TOX2: variants seen among roughly 807,000 people sequenced by gnomAD.
The protein encoded by TOX2 is granulosa cell HMG box 1.
A neutral mutation model predicts 47.4 loss-of-function variants in TOX2; 15 were observed. That is an observed-to-expected ratio of 0.32 (90% CI 0.21 to 0.49). The LOEUF is 0.49. TOX2 is among the 20% of genes least tolerant of loss of function. TOX2 has a pLI of 0.99. For missense variants in TOX2, 622 were observed against 673.1 expected, an observed-to-expected ratio of 0.92 and a Z score of 0.84; for synonymous variants, 290 against 296.6, an observed-to-expected ratio of 0.98 and a Z score of 0.23.
At chr20:43,918,782 G>T (rs751751860) in intron 1 of TOX2, among the ~76,000 whole-genome samples, 9 of 152,184 alleles carry the variant, frequency 5.9e-5, no homozygotes, top group Admixed American at 1.3e-4. Context: ...GCTATTATAA[G>T]TAAAGCTACT....
chr20:44,047,234 T>C (rs1011315302), intron 3 of TOX2, among the ~76,000 whole-genome samples: 1 of 152,198 alleles, frequency 6.6e-6, no homozygotes, highest in African/African-American at 2.4e-5. Context: ...CCCTGGCCAC[T>C]ACCCAGCAGA....
intron 1 of TOX2, among the ~76,000 whole-genome samples, chr20:43,965,034 A>G (rs558597540): frequency 6.6e-6 from 1 of 152,258 alleles, no homozygotes; most frequent in East Asian, 1.9e-4. Flanking sequence ...GCATCATTCA[A>G]TATCGAAAGC....
intron 3 of TOX2, among the ~76,000 whole-genome samples, chr20:44,031,280 A>G (rs1349421951): frequency 1.3e-5 from 2 of 152,140 alleles, no homozygotes; most frequent in African/African-American, 4.8e-5. Flanking sequence ...TGGTAGCATA[A>G]AATAGTACTG....
chr20:44,034,801 C>A (rs1424304960), intron 3 of TOX2, among the ~76,000 whole-genome samples: 1 of 152,158 alleles, frequency 6.6e-6, no homozygotes, highest in Non-Finnish European at 1.5e-5. Flanking sequence ...GAGAATACCC[C>A]CAAAAGATGT....
In TOX2 at chr20:43,918,668, T is replaced by G. The variant is rs188812222; in HGVS notation, c.99+3678T>G. Reference sequence around the variant, plus strand: ...TCCACGATGTTGTATATATCCATAGTTTGTTCCATTTAATTGCTGAGTAAT... The same window carrying G: ...TCCACGATGTTGTATATATCCATAGGTTGTTCCATTTAATTGCTGAGTAAT... On this transcript the variant is annotated intron_variant, in intron 1 of 8. Transcript: ENST00000341197. 6.6e-5 allele frequency among the ~76,000 whole-genome samples: 10 copies of G among 152,340 alleles called. No individual in the cohort carries two copies. In the East Asian group the frequency reaches 1.9e-3, roughly 29 times the overall value.
intron 2 of TOX2, 27 bp downstream of exon 2, chr20:43,973,459 G>T: frequency 6.2e-7 from 1 of 1,612,656 alleles, no homozygotes; most frequent in African/African-American, 1.3e-5. Context: ...CCCTGAACGG[G>T]TGTCTTAAGA....
chr20:43,933,229 A>G (rs1341136780), intron 1 of TOX2, among the ~76,000 whole-genome samples: 1 of 152,210 alleles, frequency 6.6e-6, no homozygotes, highest in African/African-American at 2.4e-5. Context: ...CAACATGTGA[A>G]CTTTGGGGGG....
At chr20:44,066,367 C>G (rs2071822217) in intron 7 of TOX2, among the ~76,000 whole-genome samples, 1 of 152,210 alleles carries the variant, frequency 6.6e-6, no homozygotes, top group African/African-American at 2.4e-5. Flanking sequence ...ATCCTCAGCC[C>G]TAGCCCTGGC....
intron 2 of TOX2, among the ~76,000 whole-genome samples, chr20:43,979,137 T>C (rs2070129645): frequency 6.6e-6 from 1 of 152,158 alleles, no homozygotes; most frequent in Non-Finnish European, 1.5e-5. Flanking sequence ...CAGACTTGGA[T>C]GTGTTATATT....
At chr20:44,024,818 C>T (rs1212207011) in intron 3 of TOX2, among the ~76,000 whole-genome samples, 1 of 150,474 alleles carries the variant, frequency 6.6e-6, no homozygotes, top group East Asian at 1.9e-4. Context: ...CAAAGATATA[C>T]AATATACAAA....
At chr20:43,934,166 AG>A (rs1231876431) in intron 1 of TOX2, among the ~76,000 whole-genome samples, 25 of 149,486 alleles carry the variant, frequency 1.7e-4, no homozygotes, top group African/African-American at 4.3e-4. Context: ...AGAGAGAGAG[AG>A]ACCTGCCCTC....
At chr20:43,973,310 G>T (rs1035285578) in intron 1 of TOX2, 57 bp from the exon 2 acceptor site, 22 of 1,564,756 alleles carry the variant, frequency 1.4e-5, no homozygotes, top group Non-Finnish European at 1.7e-5. Context: ...TGCTTCTCCT[G>T]GTGCCTTCCT....
chr20:44,066,663 G>A, intron 7 of TOX2, 67 bp from the exon 8 acceptor site: 2 of 1,612,412 alleles, frequency 1.2e-6, no homozygotes, highest in Non-Finnish European at 8.5e-7. Flanking sequence ...TCTCACCCCG[G>A]GAGGCCTGGG....
chr20:44,028,937 T>A (rs2071106553), intron 3 of TOX2, among the ~76,000 whole-genome samples: 1 of 152,166 alleles, frequency 6.6e-6, no homozygotes, highest in South Asian at 2.1e-4. Context: ...TTTAGCCTCT[T>A]GCCCTGAGCA....
intron 8 of TOX2, 79 bp from the exon 9 acceptor site, chr20:44,068,571 G>A (rs377248000): frequency 1.7e-4 from 261 of 1,505,868 alleles, no homozygotes; most frequent in African/African-American, 3.9e-4. Flanking sequence ...GGGGTGGGGC[G>A]TACAGTGCAG....
chr20:43,949,264 G>A (rs2069519167), intron 1 of TOX2, among the ~76,000 whole-genome samples: 3 of 152,294 alleles, frequency 2.0e-5, no homozygotes, highest in Admixed American at 1.3e-4. Flanking sequence ...GCTGCTGGCT[G>A]TACCTTCAGG....
intron 1 of TOX2, among the ~76,000 whole-genome samples, chr20:43,950,364 A>C (rs1053218463): frequency 3.3e-5 from 5 of 152,116 alleles, no homozygotes; most frequent in African/African-American, 1.2e-4. Context: ...CTGGCTCCCC[A>C]ACCACAGCAT....
At chr20:44,058,014 C>T (rs1016686505) in intron 5 of TOX2, among the ~76,000 whole-genome samples, 5 of 145,888 alleles carry the variant, frequency 3.4e-5, no homozygotes, top group Non-Finnish European at 7.4e-5. Flanking sequence ...GCAGGACTAA[C>T]TTGCAGCTCC....
At chr20:44,014,869 T>G (rs2070849642) in intron 3 of TOX2, among the ~76,000 whole-genome samples, 1 of 152,044 alleles carries the variant, frequency 6.6e-6, no homozygotes, top group South Asian at 2.1e-4. Context: ...GGGCCCCAGC[T>G]GGGGGACAGG....
Sources: allele counts gnomAD v4.1 joint callset (sites outside exome capture counted in the v4.1 genomes callset), GRCh38; gene constraint gnomAD v4.1.1; transcripts MANE v1.5; gene names NCBI Gene and HGNC (gene_info 2026-07-23, HGNC 2026-07-21).